The following CREBBP variants were observed in gnomAD, a reference collection of about 807,000 sequenced individuals.
The protein encoded by CREBBP is CREB-binding protein.
In CREBBP, 19 loss-of-function variants were observed where a neutral mutation model predicts 265.0. The observed-to-expected ratio is 0.07, with a 90% CI of 0.05 to 0.11. The LOEUF is 0.11. CREBBP is among the 10% of genes least tolerant of loss of function. CREBBP has a pLI of 1.00. For missense variants in CREBBP, 2,525 were observed against 3,219.0 expected (o/e 0.78, Z 5.22); for synonymous variants, 1,457 against 1,223.7 (o/e 1.19, Z -3.98).
chr16:3,871,307 A>G (rs1397721915), intron 1 of CREBBP, among the ~76,000 whole-genome samples: 1 of 152,116 alleles, frequency 6.6e-6, no homozygotes, highest in Non-Finnish European at 1.5e-5. Flanking sequence ...GCTGGGACTC[A>G]CAGTCTACTC....
intron 21 of CREBBP, among the ~76,000 whole-genome samples, chr16:3,748,219 A>G (rs929099667): frequency 4.6e-5 from 7 of 151,690 alleles, no homozygotes; most frequent in Non-Finnish European, 1.0e-4. Flanking sequence ...CGGAGGCTGC[A>G]GTGAGCCGAG....
At chr16:3,851,583 G>T (rs1393658907) in intron 1 of CREBBP, among the ~76,000 whole-genome samples, 1 of 152,102 alleles carries the variant, frequency 6.6e-6, no homozygotes, top group African/African-American at 2.4e-5. Context: ...GGCCGGGCAT[G>T]GTGGCTCAAG....
intron 16 of CREBBP, among the ~76,000 whole-genome samples, chr16:3,763,353 G>T (rs571290868): frequency 5.9e-5 from 9 of 152,110 alleles, no homozygotes; most frequent in Admixed American, 5.2e-4. Flanking sequence ...CAGAGACAGG[G>T]TCTCACCATG....
chr16:3,838,730 G>C (rs2054506246), intron 2 of CREBBP, among the ~76,000 whole-genome samples: 1 of 152,088 alleles, frequency 6.6e-6, no homozygotes, highest in African/African-American at 2.4e-5. Flanking sequence ...CTTTTTAAAA[G>C]TTGATATAGG....
At chr16:3,803,257 C>T (rs943738380) in intron 3 of CREBBP, among the ~76,000 whole-genome samples, 3 of 6,186 alleles carry the variant, frequency 4.8e-4, no homozygotes, top group Admixed American at 1.7e-3. Context: ...GGGAGGCTGA[C>T]GGCGGGGAGG....
intron 2 of CREBBP, among the ~76,000 whole-genome samples, chr16:3,849,455 GTGTGT>G (rs2054773762): frequency 1.1e-5 from 1 of 90,104 alleles, no homozygotes; most frequent in South Asian, 4.0e-4. Context: ...GTGTGTGTGT[GTGTGT>G]GTGTGTGTGT....
intron 2 of CREBBP, among the ~76,000 whole-genome samples, chr16:3,831,510 A>T (rs974953548): frequency 5.9e-5 from 9 of 152,196 alleles, no homozygotes; most frequent in African/African-American, 2.2e-4. Flanking sequence ...TTCTACCCCA[A>T]AGAAAAGCCA....
intron 2 of CREBBP, among the ~76,000 whole-genome samples, chr16:3,844,565 C>G (rs1437905316): frequency 6.6e-6 from 1 of 152,124 alleles, no homozygotes; most frequent in Admixed American, 6.6e-5. Context: ...TTCTTAATAA[C>G]AGAACACTAA....
chr16:3,774,965 G>C (rs1261041288), intron 11 of CREBBP, among the ~76,000 whole-genome samples: 3 of 152,106 alleles, frequency 2.0e-5, no homozygotes, highest in African/African-American at 7.2e-5. Flanking sequence ...GGTAAGACAG[G>C]AACAAGTGAG....
chr16:3,865,288 T>C (rs2055154912), intron 1 of CREBBP, among the ~76,000 whole-genome samples: 1 of 152,218 alleles, frequency 6.6e-6, no homozygotes, highest in African/African-American at 2.4e-5. Context: ...AAAGCACTGT[T>C]TGTGAGAAGA....
chr16:3,816,985 G>C (rs1445042208), intron 2 of CREBBP, among the ~76,000 whole-genome samples: 1 of 152,180 alleles, frequency 6.6e-6, no homozygotes, highest in Non-Finnish European at 1.5e-5. Flanking sequence ...GAGGCAGCAG[G>C]AACAGTGCCC....
In CREBBP at chr16:3,731,508, G is replaced by A. The variant is rs1339886964; in HGVS notation, c.4891-35C>T. On this transcript the variant is annotated intron_variant, in intron 29 of 30. Coordinates refer to ENST00000262367, the MANE Select transcript of CREBBP (RefSeq NM_004380.3). This position sits in a 1 kb window ranked among gnomAD's most constrained non-coding sequence, Gnocchi z 7.7. ...AGGAGGGGCTTTAGTCCCACACAAG[G>A]GACATGGCACCTCCAGTGGTGAGCT... 2 of 1,559,462 alleles carry A rather than the reference G, an allele frequency of 1.3e-6. No homozygotes were observed. The highest frequency in any genetic ancestry group is 1.7e-6 in the Non-Finnish European group (2 of 1,155,584).
intron 2 of CREBBP, among the ~76,000 whole-genome samples, chr16:3,814,203 C>G (rs1596991233): frequency 1.0e-4 from 10 of 99,032 alleles, no homozygotes; most frequent in South Asian, 6.2e-4. Flanking sequence ...GTGTTTGAGA[C>G]AGAGTCTCGT....
intron 2 of CREBBP, among the ~76,000 whole-genome samples, chr16:3,825,544 CTT>C (rs1475555619): frequency 2.0e-5 from 3 of 152,138 alleles, no homozygotes; most frequent in Admixed American, 6.5e-5. Flanking sequence ...GCTCTGGACA[CTT>C]TGCCTCAGTA....
Position 3,729,887 on chromosome 16 carries a change from A to G in CREBBP, c.5173-13T>C. The G allele has an allele frequency of 6.2e-7, 1 of 1,600,034 alleles. No homozygotes were observed. Among genetic ancestry groups the G allele is most frequent in the Non-Finnish European group, 8.5e-7 (1 of 1,179,856 alleles). On this transcript the variant is annotated splice_polypyrimidine_tract_variant and intron_variant, in intron 30 of 30. Transcript: ENST00000262367. Reference sequence around the variant, plus strand: ...AGAGGTCGTAGTCCTGCAAGCAAGGAAAGGGGACAGGCCGGTGTCAGCATG... The same window carrying G: ...AGAGGTCGTAGTCCTGCAAGCAAGGGAAGGGGACAGGCCGGTGTCAGCATG...
At chr16:3,828,737 T>C (rs1269006018) in intron 2 of CREBBP, among the ~76,000 whole-genome samples, 1 of 152,208 alleles carries the variant, frequency 6.6e-6, no homozygotes, top group African/African-American at 2.4e-5. Flanking sequence ...CACAGGTGGA[T>C]TTTAAGTAAA....
chr16:3,769,667 C>G (rs1030340745), intron 14 of CREBBP, among the ~76,000 whole-genome samples: 1 of 152,064 alleles, frequency 6.6e-6, no homozygotes, highest in African/African-American at 2.4e-5. Flanking sequence ...AAATTAATTC[C>G]CTTCAATATG....
chr16:3,805,846 T>C (rs2053818379), intron 3 of CREBBP, among the ~76,000 whole-genome samples: 2 of 152,182 alleles, frequency 1.3e-5, no homozygotes, highest in South Asian at 4.1e-4. Flanking sequence ...CCAGCTCATG[T>C]AAAACCACGA....
At chr16:3,857,576 T>C (rs959196959) in intron 1 of CREBBP, among the ~76,000 whole-genome samples, 2 of 152,048 alleles carry the variant, frequency 1.3e-5, no homozygotes, top group Non-Finnish European at 2.9e-5. Context: ...GCAAGAGCAA[T>C]CTGTATCATC....
Sources: gnomAD v4.1 joint callset for allele counts (sites outside exome capture counted in the v4.1 genomes callset) on GRCh38, gnomAD v4.1.1 for gene constraint, Gnocchi (gnomAD v3.1) non-coding constraint, MANE v1.5 for transcripts, NCBI Gene and HGNC (gene_info 2026-07-23, HGNC 2026-07-21) for gene names.